SDK1: variants seen among roughly 807,000 people sequenced by gnomAD.
The protein encoded by SDK1 is protein sidekick-1.
SDK1 carries 157 observed loss-of-function variants against 245.5 expected under a neutral mutation model. The observed-to-expected ratio is 0.64, with a 90% CI of 0.56 to 0.73. The LOEUF is 0.73. Ranked by LOEUF, SDK1 falls within the 30% of genes least tolerant of loss-of-function variation. The pLI is 0.00. For synonymous variants in SDK1, 1,647 were observed against 1,278.5 expected, an observed-to-expected ratio of 1.29 and a Z score of -6.15; for missense variants, 3,583 against 3,002.3, an observed-to-expected ratio of 1.19 and a Z score of -4.52.
intron 41 of SDK1, among the ~76,000 whole-genome samples, chr7:4,235,119 G>T (rs1163138044): frequency 6.6e-6 from 1 of 152,162 alleles, no homozygotes; most frequent in Non-Finnish European, 1.5e-5. Context: ...TTGAATTCCG[G>T]GGTTGCTCTG....
At chr7:4,214,842 C>T (rs889005315) in intron 38 of SDK1, among the ~76,000 whole-genome samples, 7 of 152,142 alleles carry the variant, frequency 4.6e-5, no homozygotes, top group Non-Finnish European at 7.4e-5. Context: ...GGGCCCCCGC[C>T]GGGGTCTTTC....
intron 1 of SDK1, among the ~76,000 whole-genome samples, chr7:3,490,441 T>G (rs900176707): frequency 2.0e-5 from 3 of 152,224 alleles, no homozygotes; most frequent in African/African-American, 7.2e-5. Context: ...AATAAGTATT[T>G]ATTGAGTGCC....
chr7:3,618,868 G>T (rs1031160008), intron 1 of SDK1, among the ~76,000 whole-genome samples: 1 of 152,146 alleles, frequency 6.6e-6, no homozygotes, highest in Admixed American at 6.5e-5. Flanking sequence ...TCAAATGCGG[G>T]TATCATTGAG....
At chr7:3,846,475 G>C (rs1167990920) in intron 5 of SDK1, among the ~76,000 whole-genome samples, 1 of 152,144 alleles carries the variant, frequency 6.6e-6, no homozygotes, top group African/African-American at 2.4e-5. Flanking sequence ...TCCCAGTGGA[G>C]GCTTTACTGC....
At chr7:3,948,687 C>G (rs978622633) in intron 5 of SDK1, among the ~76,000 whole-genome samples, 2 of 152,214 alleles carry the variant, frequency 1.3e-5, no homozygotes, top group Admixed American at 1.3e-4. Context: ...TGCGGGGCTG[C>G]GAACTCAGCC....
At chr7:3,392,524 T>G (rs1301195720) in intron 1 of SDK1, among the ~76,000 whole-genome samples, 1 of 152,166 alleles carries the variant, frequency 6.6e-6, no homozygotes, top group East Asian at 1.9e-4. Flanking sequence ...TTCATTGTAT[T>G]CAGTGTTGTA....
rs369466036 is a variant in SDK1 at position 4,178,596 on chromosome 7, G to A, written c.5098+10G>A. ...TTTGTCGGCGAGGCTGGTAAGCTCC[G>A]TGCACCCCCAACCCCACTGCCAGAG... On this transcript the variant is annotated intron_variant, in intron 35 of 44. Coordinates refer to ENST00000404826, the MANE Select transcript of SDK1 (RefSeq NM_152744.4). The A allele has an allele frequency of 1.0e-4, 159 of 1,597,488 alleles. No homozygotes were observed. Among genetic ancestry groups the A allele is most frequent in the Non-Finnish European group, 1.2e-4 (137 of 1,170,060 alleles).
intron 31 of SDK1, 136 bp from the exon 32 acceptor site, chr7:4,161,650 C>G: frequency 1.4e-6 from 1 of 693,380 alleles, no homozygotes; most frequent in South Asian, 1.7e-5. Flanking sequence ...CGAGGAAGGG[C>G]AGGAGAAGGG....
intron 5 of SDK1, among the ~76,000 whole-genome samples, chr7:3,899,911 A>G (rs1378336083): frequency 1.3e-5 from 2 of 152,264 alleles, no homozygotes; most frequent in Non-Finnish European, 2.9e-5. Flanking sequence ...TTGTGTGGAA[A>G]TCACAGTTCT....
At chr7:3,780,534 A>G (rs2115011241) in intron 4 of SDK1, among the ~76,000 whole-genome samples, 1 of 152,286 alleles carries the variant, frequency 6.6e-6, no homozygotes, top group Middle Eastern at 3.4e-3. Flanking sequence ...GCCTTCATTA[A>G]CGTGGTAGGA....
At chr7:3,418,874 G>C (rs182919317) in intron 1 of SDK1, among the ~76,000 whole-genome samples, 1 of 152,110 alleles carries the variant, frequency 6.6e-6, no homozygotes, top group Non-Finnish European at 1.5e-5. Flanking sequence ...AAATCTGCAC[G>C]TACTCAGTCT....
At chr7:3,998,509 T>C (rs1002377963) in intron 14 of SDK1, among the ~76,000 whole-genome samples, 1 of 152,074 alleles carries the variant, frequency 6.6e-6, no homozygotes, top group Admixed American at 6.5e-5. Context: ...TACCCCTACG[T>C]TTATGTGAGA....
chr7:3,535,980 A>G lies in SDK1; in HGVS notation c.299-83100A>G, dbSNP rs550849393. ...CTAGTACTATAATTTATAAATTAAT[A>G]AGAAATTTAAGTTTTTATTTTTTTA... On this transcript the variant is annotated intron_variant, in intron 1 of 44. Coordinates refer to ENST00000404826, the MANE Select transcript of SDK1 (RefSeq NM_152744.4). 2.9e-3 allele frequency among the ~76,000 whole-genome samples: 446 copies of G among 152,252 alleles called. 3 individuals are homozygous for G. The highest frequency in any genetic ancestry group is 0.01 in the African/African-American group (433 of 41,566).
Position 3,434,679 on chromosome 7 carries a change from A to G in SDK1, c.298+132795A>G, listed in dbSNP as rs546220038. 1.8e-4 allele frequency among the ~76,000 whole-genome samples: 28 copies of G among 152,244 alleles called. No individual in the cohort carries two copies. The East Asian group carries it at 5.2e-3, about 28-fold the overall frequency. On this transcript the variant is annotated intron_variant, in intron 1 of 44. Coordinates refer to ENST00000404826, the MANE Select transcript of SDK1 (RefSeq NM_152744.4). ...CCCAAGCCAACTTTACCGAGTGTGGATGGTTTTAACCAGTTCTCTCGATTT... is the reference window on the plus strand; with the variant it reads ...CCCAAGCCAACTTTACCGAGTGTGGGTGGTTTTAACCAGTTCTCTCGATTT...
intron 1 of SDK1, among the ~76,000 whole-genome samples, chr7:3,579,921 G>T (rs536856477): frequency 7.9e-5 from 12 of 152,166 alleles, no homozygotes; most frequent in Non-Finnish European, 1.6e-4. Context: ...GTGTTCTTCA[G>T]CTGATAAACA....
At chr7:3,502,502 G>A (rs1454940947) in intron 1 of SDK1, among the ~76,000 whole-genome samples, 3 of 152,142 alleles carry the variant, frequency 2.0e-5, no homozygotes, top group African/African-American at 7.2e-5. Context: ...CACCGCCTTG[G>A]CCTCCCAAAG....
intron 1 of SDK1, among the ~76,000 whole-genome samples, chr7:3,361,934 A>G (rs1780963947): frequency 6.6e-6 from 1 of 152,208 alleles, no homozygotes; most frequent in Non-Finnish European, 1.5e-5. Flanking sequence ...AGAGCAGATT[A>G]CATTTTCAGT....
intron 4 of SDK1, among the ~76,000 whole-genome samples, chr7:3,689,839 A>AT (rs1210682461): frequency 3.3e-5 from 5 of 152,262 alleles, no homozygotes; most frequent in African/African-American, 1.2e-4. Context: ...ACACAGGCCC[A>AT]TATCTGCCAA....
In SDK1 at chr7:3,481,422, C is replaced by T. The variant is rs527372751; in HGVS notation, c.299-137658C>T. 1.6e-4 allele frequency among the ~76,000 whole-genome samples: 25 copies of T among 152,298 alleles called. No homozygotes were observed. The South Asian group carries it at 4.6e-3, about 28-fold the overall frequency. ...TTGTCAGTCAAGGATGTGCCGATGT[C>T]TTCGATGTACTCCTCTAGATATGCC... On this transcript the variant is annotated intron_variant, in intron 1 of 44. Transcript: ENST00000404826.
Sources: gnomAD v4.1 joint callset for allele counts (sites outside exome capture counted in the v4.1 genomes callset) on GRCh38, gnomAD v4.1.1 for gene constraint, MANE v1.5 for transcripts, NCBI Gene and HGNC (gene_info 2026-07-23, HGNC 2026-07-21) for gene names.